Variants in ITM2B observed in about 807,000 individuals in gnomAD.
The protein encoded by ITM2B is ABri/ADan amyloid peptide.
A neutral mutation model predicts 27.8 loss-of-function variants in ITM2B; 11 were observed. The observed-to-expected ratio is 0.40, with a 90% confidence interval of 0.25 to 0.66. ITM2B has a LOEUF of 0.66. Among genes scored for constraint, ITM2B ranks in the 30% least tolerant of loss-of-function variants. ITM2B has a pLI of 0.43. For synonymous variants in ITM2B, 114 were observed against 114.3 expected, an observed-to-expected ratio of 1.00 and a Z score of 0.02; for missense variants, 296 against 328.9, an observed-to-expected ratio of 0.90 and a Z score of 0.77.
rs142488680 is a variant in ITM2B at position 48,258,089 on chromosome 13, G to T, written c.454-37G>T. ...ATCCAGTTGCTGCCTGTTTTTGCAA[G>T]TATTACTGTAACTACACTGTATCTT... On this transcript the variant is annotated intron_variant, in intron 3 of 5. Coordinates refer to ENST00000647800, the MANE Select transcript of ITM2B (RefSeq NM_021999.5). The T allele has an allele frequency of 1.2e-4, 113 of 972,520 alleles. No homozygotes were observed. The Middle Eastern group carries it at 1.2e-3, about 11-fold the overall frequency. 60.2% of individuals were successfully genotyped at this position (972,520 alleles called of 1,614,324 possible). A position where few individuals can be genotyped will look rare whatever the true frequency, so the allele number is the denominator to read the frequency against.
chr13:48,260,698 A>G (rs929603653), intron 5 of ITM2B, among the ~76,000 whole-genome samples: 1 of 152,188 alleles, frequency 6.6e-6, no homozygotes, highest in Non-Finnish European at 1.5e-5. Flanking sequence ...TGCAAAGGAC[A>G]TGATTTCTTT....
intron 2 of ITM2B, among the ~76,000 whole-genome samples, chr13:48,254,467 C>CT (rs1593394777): frequency 6.6e-6 from 1 of 152,140 alleles, no homozygotes; most frequent in South Asian, 2.1e-4. Context: ...TTGTTTATAA[C>CT]TTTGAGTGTT....
chr13:48,239,491 G>T (rs1359551364), intron 1 of ITM2B, among the ~76,000 whole-genome samples: 1 of 152,178 alleles, frequency 6.6e-6, no homozygotes, highest in Non-Finnish European at 1.5e-5. Flanking sequence ...AATTAGCCAG[G>T]CGTGGTGGCA....
At chr13:48,235,009 A>G (rs1951658939) in intron 1 of ITM2B, among the ~76,000 whole-genome samples, 1 of 114,212 alleles carries the variant, frequency 8.8e-6, no homozygotes, top group Non-Finnish European at 1.6e-5. Context: ...TCTTAATGCT[A>G]TCACATATAT....
In ITM2B at chr13:48,265,715, T is replaced by A. The variant is rs1951848757; in HGVS notation, c.*4491T>A. On this transcript the variant is annotated 3_prime_UTR_variant, in exon 6 of 6. Transcript: ENST00000647800. ...TACTGTTTCTTGGTAAATGCTATTC[T>A]TACTTCCTGAAGATTATTTCCATCT... 6.6e-6 allele frequency: 1 copy of A among 152,292 alleles called. No homozygotes were observed. Among genetic ancestry groups the A allele is most frequent in the Admixed American group, 6.6e-5 (1 of 15,260 alleles). The allele number at this position is 152,292 out of a possible 1,614,324, so 9.4% of individuals were successfully genotyped here.
chr13:48,255,185 C>T (rs1408648335), intron 2 of ITM2B, among the ~76,000 whole-genome samples: 1 of 151,964 alleles, frequency 6.6e-6, no homozygotes, highest in Non-Finnish European at 1.5e-5. Context: ...CCTGTGCATT[C>T]ACATTTTGTA....
intron 5 of ITM2B, among the ~76,000 whole-genome samples, chr13:48,260,508 T>TCCTC (rs746140490): frequency 8.5e-5 from 13 of 152,090 alleles, no homozygotes; most frequent in African/African-American, 2.7e-4. Flanking sequence ...AACCCTTACC[T>TCCTC]CCTCCCTCCC....
Position 48,259,667 on chromosome 13 carries a change from G to A in ITM2B, c.715+720G>A, listed in dbSNP as rs532508023. 3.0e-4 allele frequency among the ~76,000 whole-genome samples: 45 copies of A among 151,228 alleles called. No homozygotes were observed. In the South Asian group the frequency reaches 9.0e-3, roughly 30 times the overall value. ...ATAATACTGTTCTCTCATCTCCGGC[G>A]GTTGAGTCATCTGAAACCAGCTTGA... On this transcript the variant is annotated intron_variant, in intron 5 of 5. Transcript: ENST00000647800.
chr13:48,256,049 A>C (rs1951785341), intron 2 of ITM2B, 128 bp from the exon 3 acceptor site: 2 of 717,578 alleles, frequency 2.8e-6, no homozygotes, highest in Non-Finnish European at 5.0e-6. Context: ...AAACTGTCTG[A>C]CTTGTCATCT....
chr13:48,234,667 T>A (rs755605930), intron 1 of ITM2B, among the ~76,000 whole-genome samples: 3 of 152,222 alleles, frequency 2.0e-5, no homozygotes, highest in Admixed American at 6.5e-5. Flanking sequence ...GAATATAATC[T>A]ATCTTCAGAA....
intron 5 of ITM2B, among the ~76,000 whole-genome samples, chr13:48,259,149 A>C (rs551803968): frequency 1.4e-4 from 21 of 152,338 alleles, no homozygotes; most frequent in Non-Finnish European, 2.6e-4. Context: ...AGAAAAGGTC[A>C]ATGTGAAATG....
chr13:48,233,219 G>A lies in ITM2B; in HGVS notation c.-142G>A. ...GATCCCTACCGCAGTAGCCGCCTCT[G>A]CCGCCGCGGAGCTTCCCGAACCTCT... On this transcript the variant is annotated 5_prime_UTR_variant, in exon 1 of 6. Coordinates refer to ENST00000647800, the MANE Select transcript of ITM2B (RefSeq NM_021999.5). 2.0e-6 allele frequency: 1 copy of A among 507,868 alleles called. No individual in the cohort carries two copies. 31.5% of individuals were successfully genotyped at this position (507,868 alleles called of 1,614,324 possible).
intron 2 of ITM2B, among the ~76,000 whole-genome samples, chr13:48,255,239 G>C (rs1264448681): frequency 2.8e-5 from 2 of 72,290 alleles, no homozygotes; most frequent in Non-Finnish European, 5.4e-5. Flanking sequence ...TAGTGTGTGT[G>C]TGTGTGTGTG....
intron 1 of ITM2B, among the ~76,000 whole-genome samples, chr13:48,253,435 C>T (rs549577261): frequency 6.6e-6 from 1 of 152,286 alleles, no homozygotes; most frequent in African/African-American, 2.4e-5. Context: ...CAAGGCTCAT[C>T]ATCATATTAT....
At chr13:48,251,423 A>G (rs1016470688) in intron 1 of ITM2B, among the ~76,000 whole-genome samples, 62 of 152,060 alleles carry the variant, frequency 4.1e-4, no homozygotes, top group Non-Finnish European at 9.0e-4. Flanking sequence ...TTCTTTTTGT[A>G]TATTTATCTG....
chr13:48,236,582 A>C (rs1485559857), intron 1 of ITM2B, among the ~76,000 whole-genome samples: 1 of 152,098 alleles, frequency 6.6e-6, no homozygotes, highest in Non-Finnish European at 1.5e-5. Flanking sequence ...CTACCTCCTC[A>C]CTCTAACCAG....
chr13:48,236,590 C>A (rs984690314), intron 1 of ITM2B, among the ~76,000 whole-genome samples: 1 of 152,186 alleles, frequency 6.6e-6, no homozygotes, highest in African/African-American at 2.4e-5. Flanking sequence ...TCACTCTAAC[C>A]AGACTATTCC....
intron 1 of ITM2B, among the ~76,000 whole-genome samples, chr13:48,240,513 A>G (rs934250610): frequency 1.3e-5 from 2 of 152,078 alleles, no homozygotes; most frequent in Admixed American, 1.3e-4. Flanking sequence ...TACTTCTTAT[A>G]TTACTGTTAC....
In ITM2B at chr13:48,267,256, C is replaced by G. The variant is rs1039981490; in HGVS notation, c.*6032C>G. ...ATAGTTTTCCATTTGGGTATGAATA[C>G]GGCAAGTTCTTAGAACATTTCTTAA... On this transcript the variant is annotated 3_prime_UTR_variant, in exon 6 of 6. Transcript: ENST00000647800. 1 of 149,258 alleles carries G rather than the reference C, an allele frequency of 6.7e-6. No homozygotes were observed. Among genetic ancestry groups the G allele is most frequent in the Admixed American group, 6.6e-5 (1 of 15,058 alleles). 9.2% of individuals were successfully genotyped at this position (149,258 alleles called of 1,614,324 possible).
Sources: allele counts gnomAD v4.1 joint callset (sites outside exome capture counted in the v4.1 genomes callset), GRCh38; gene constraint gnomAD v4.1.1; transcripts MANE v1.5; gene names NCBI Gene and HGNC (gene_info 2026-07-23, HGNC 2026-07-21).